The following NYAP2 variants were observed in gnomAD, a reference collection of about 807,000 sequenced individuals.
NYAP2 encodes neuronal tyrosine-phosphorylated phosphoinositide-3-kinase adapter 2.
Under a neutral mutation model 50.4 loss-of-function variants are expected in NYAP2, and 23 were observed. The observed-to-expected ratio is 0.46, with a 90% CI of 0.33 to 0.65. The LOEUF is 0.65. Ranked by LOEUF, NYAP2 falls within the 30% of genes least tolerant of loss-of-function variation. NYAP2 has a pLI of 0.02. For missense variants in NYAP2, 885 were observed against 861.0 expected (o/e 1.03, Z -0.35); for synonymous variants, 394 against 365.2 (o/e 1.08, Z -0.90).
At chr2:225,696,042 A>G in the NYAP2 span, among the ~76,000 whole-genome samples, 1 of 152,016 alleles carries the variant, frequency 6.6e-6, no homozygotes, top group Non-Finnish European at 1.5e-5. Context: ...TAAAGCCACA[A>G]ATTTAGTTGT....
In NYAP2 at chr2:225,601,270, G is replaced by A. The variant is rs570177556; in HGVS notation, c.1618+18235G>A. On this transcript the variant is annotated intron_variant, in intron 5 of 6. Coordinates refer to ENST00000636099, the Ensembl canonical transcript of NYAP2. Reference sequence around the variant, plus strand: ...TGAGTAGCTGGGACTACAGGCATGTGCCACCACGACCAGCTAATTTTTGTA... The same window carrying A: ...TGAGTAGCTGGGACTACAGGCATGTACCACCACGACCAGCTAATTTTTGTA... Among the ~76,000 whole-genome samples the A allele has an allele frequency of 5.9e-5, 9 of 152,016 alleles. No individual in the cohort carries two copies. The East Asian group carries it at 1.6e-3, about 26-fold the overall frequency.
intron 4 of NYAP2, among the ~76,000 whole-genome samples, chr2:225,560,631 C>T (rs1324103708): frequency 6.6e-6 from 1 of 151,958 alleles, no homozygotes; most frequent in Non-Finnish European, 1.5e-5. Context: ...GATGATTGGG[C>T]ATATTTTTAG....
Position 225,429,540 on chromosome 2 carries a change from T to C in NYAP2, c.221+20439T>C, listed in dbSNP as rs147950494. Among the ~76,000 whole-genome samples, 404 of 152,300 alleles carry C rather than the reference T, an allele frequency of 2.7e-3. 2 individuals are homozygous for C. The highest frequency in any genetic ancestry group is 0.01 in the Middle Eastern group (3 of 294). On this transcript the variant is annotated intron_variant, in intron 3 of 6. Transcript: ENST00000636099. ...TCTTTTGAAATCAATAATATTCAGG[T>C]AGCTAAAAATCTCACTGTAAAATGA...
the NYAP2 span, among the ~76,000 whole-genome samples, chr2:225,678,092 A>C: frequency 3.3e-5 from 5 of 151,958 alleles, no homozygotes; most frequent in Admixed American, 3.3e-4. Context: ...TTCTATTTCC[A>C]AACTTCTTAT....
Position 225,430,885 on chromosome 2 carries a change from A to G in NYAP2, c.221+21784A>G, listed in dbSNP as rs1695357014. ...CAGTGTATATAGACTTCAAAATATCATGTCTTACACAACAAATGCATTTAA... is the reference window on the plus strand; with the variant it reads ...CAGTGTATATAGACTTCAAAATATCGTGTCTTACACAACAAATGCATTTAA... On this transcript the variant is annotated intron_variant, in intron 3 of 6. Transcript: ENST00000636099. Among the ~76,000 whole-genome samples, 4 of 152,232 alleles carry G rather than the reference A, an allele frequency of 2.6e-5. No homozygotes were observed. The East Asian group carries it at 7.7e-4, about 29-fold the overall frequency.
intron 4 of NYAP2, among the ~76,000 whole-genome samples, chr2:225,549,663 G>A (rs1438375191): frequency 6.6e-6 from 1 of 152,146 alleles, no homozygotes; most frequent in Non-Finnish European, 1.5e-5. Context: ...AATCACCTTG[G>A]GAGAAAATGC....
At chr2:225,662,747 C>CT in the NYAP2 span, among the ~76,000 whole-genome samples, 2 of 152,330 alleles carry the variant, frequency 1.3e-5, no homozygotes, top group African/African-American at 4.8e-5. Flanking sequence ...ACCCAATCAA[C>CT]TTTGCATATG....
At chr2:225,660,523 C>A in the NYAP2 span, among the ~76,000 whole-genome samples, 37 of 144,246 alleles carry the variant, frequency 2.6e-4, no homozygotes, top group Middle Eastern at 4.0e-3. Flanking sequence ...TTTTTTAATG[C>A]CTGCAACCAT....
intron 3 of NYAP2, among the ~76,000 whole-genome samples, chr2:225,411,619 A>G (rs965211812): frequency 6.6e-6 from 1 of 152,104 alleles, no homozygotes; most frequent in South Asian, 2.1e-4. Context: ...TAAAAAAAAA[A>G]CCCAGGGTTG....
chr2:225,464,250 C>G (rs1232672889), intron 3 of NYAP2, among the ~76,000 whole-genome samples: 1 of 152,184 alleles, frequency 6.6e-6, no homozygotes, highest in African/African-American at 2.4e-5. Context: ...AGGCTGACAT[C>G]AAGACTGCAT....
chr2:225,449,024 T>C (rs937619390), intron 3 of NYAP2, among the ~76,000 whole-genome samples: 4 of 152,306 alleles, frequency 2.6e-5, no homozygotes, highest in Admixed American at 2.6e-4. Flanking sequence ...TTGAATCTTG[T>C]AGTATTCAAT....
intron 5 of NYAP2, among the ~76,000 whole-genome samples, chr2:225,602,075 A>G (rs180763683): frequency 6.6e-4 from 101 of 152,278 alleles, no homozygotes; most frequent in Admixed American, 2.2e-3. Context: ...AAAAGAGGAA[A>G]GCTCTCTGCA....
intron 3 of NYAP2, among the ~76,000 whole-genome samples, chr2:225,467,543 C>G (rs1003911984): frequency 6.6e-6 from 1 of 152,142 alleles, no homozygotes; most frequent in African/African-American, 2.4e-5. Flanking sequence ...TGGCCTTGCC[C>G]TTTTTCCTAC....
the NYAP2 span, among the ~76,000 whole-genome samples, chr2:225,675,963 G>A: frequency 6.6e-6 from 1 of 151,936 alleles, no homozygotes; most frequent in Non-Finnish European, 1.5e-5. Flanking sequence ...ATGTCTATTC[G>A]TGTCCTTTGC....
At chr2:225,651,459 G>C (rs751197401) in exon 7 of NYAP2, 8 of 1,613,944 alleles carry the variant, frequency 5.0e-6, no homozygotes, top group Non-Finnish European at 5.9e-6. Context: ...AAATTAGGCC[G>C]GTCTGCGTCG....
At chr2:225,506,060 A>G (rs1432805295) in intron 3 of NYAP2, among the ~76,000 whole-genome samples, 2 of 145,716 alleles carry the variant, frequency 1.4e-5, no homozygotes, top group East Asian at 1.9e-4. Flanking sequence ...TGAGAGAGAG[A>G]AAAAAAAAAG....
chr2:225,690,960 C>T, the NYAP2 span, among the ~76,000 whole-genome samples: 2 of 152,060 alleles, frequency 1.3e-5, no homozygotes, highest in African/African-American at 2.4e-5. Context: ...GTTGAAAACA[C>T]GTTTAGGAAA....
chr2:225,702,060 T>C, the NYAP2 span: 3 of 151,696 alleles, frequency 2.0e-5, no homozygotes, highest in Non-Finnish European at 4.4e-5. Context: ...GCTTGTAAAA[T>C]AACTACACTC....
intron 5 of NYAP2, among the ~76,000 whole-genome samples, chr2:225,615,884 G>A (rs1224602580): frequency 1.3e-5 from 2 of 152,194 alleles, no homozygotes; most frequent in Non-Finnish European, 2.9e-5. Context: ...CCACGAAAGA[G>A]CATGGCAGAG....
Sources: gnomAD v4.1 joint callset for allele counts (sites outside exome capture counted in the v4.1 genomes callset) on GRCh38, gnomAD v4.1.1 for gene constraint, MANE v1.5 for transcripts, NCBI Gene and HGNC (gene_info 2026-07-23, HGNC 2026-07-21) for gene names.